The following TTC34 variants were observed in gnomAD, a reference collection of about 807,000 sequenced individuals.
TTC34 encodes tetratricopeptide repeat protein 34.
In TTC34, 44 loss-of-function variants were observed where a neutral mutation model predicts 40.7. That is an observed-to-expected ratio of 1.08 (90% confidence interval 0.85 to 1.39). The LOEUF (loss-of-function observed/expected upper bound fraction) is 1.39, where lower values mean the gene tolerates loss of function less well. Ranked by LOEUF, TTC34 falls within the 40% of genes most tolerant of loss-of-function variation. TTC34 has a pLI of 0.00. For synonymous variants in TTC34, 422 were observed against 398.6 expected (o/e 1.06, Z -0.70); for missense variants, 884 against 838.0 (o/e 1.05, Z -0.68).
Position 2,660,165 on chromosome 1 carries a change from G to C in TTC34, c.2227-14602C>G, listed in dbSNP as rs1209984427. On this transcript the variant is annotated intron_variant, in intron 6 of 8. Coordinates refer to ENST00000401095, the Ensembl canonical transcript of TTC34. ...CACCCACACCCCCAGGTGGGCATCT[G>C]ATGGCCTGGAACAGCACCCACACCC... 2.4e-4 allele frequency among the ~76,000 whole-genome samples: 11 copies of C among 45,730 alleles called. 2 individuals are homozygous for C. The highest frequency in any genetic ancestry group is 1.2e-4 in the Non-Finnish European group (3 of 25,928). 30.0% of individuals were successfully genotyped at this position (45,730 alleles called of 152,430 possible).
intron 6 of TTC34, among the ~76,000 whole-genome samples, chr1:2,685,921 C>A (rs557124891): frequency 2.0e-5 from 3 of 146,354 alleles, no homozygotes; most frequent in Non-Finnish European, 3.0e-5. Flanking sequence ...CACGCACACC[C>A]CCAGGTGAGC....
At chr1:2,752,578 G>C (rs1314248756) in intron 6 of TTC34, among the ~76,000 whole-genome samples, 1 of 80,586 alleles carries the variant, frequency 1.2e-5, no homozygotes, top group Admixed American at 1.4e-4. Flanking sequence ...TGCACCCCCA[G>C]GTGAGAATCT....
chr1:2,655,607 G>C (rs113871669), intron 6 of TTC34, among the ~76,000 whole-genome samples: 2 of 12,946 alleles, frequency 1.5e-4, no homozygotes, highest in Non-Finnish European at 2.1e-4. Flanking sequence ...GGAACAGCAC[G>C]CTGCACCCCC....
At chr1:2,647,089 C>CT (rs1200029487) in intron 6 of TTC34, among the ~76,000 whole-genome samples, 4 of 151,210 alleles carry the variant, frequency 2.6e-5, no homozygotes, top group South Asian at 2.1e-4. Context: ...TTCTCTTTAT[C>CT]TTTTTTTTTC....
chr1:2,783,847 C>T (rs1167443537), intron 5 of TTC34, 72 bp from the exon 6 acceptor site: 4 of 1,335,092 alleles, frequency 3.0e-6, no homozygotes, highest in Middle Eastern at 2.0e-4. Flanking sequence ...CCTGCCCAGC[C>T]CGGGGAGGGC....
At chr1:2,641,941 C>CA in intron 8 of TTC34, 46 bp from the exon 9 acceptor site, 1 of 1,434,098 alleles carries the variant, frequency 7.0e-7, no homozygotes, top group Non-Finnish European at 9.1e-7. Flanking sequence ...GGGTCAGCCC[C>CA]AAAAGCCCGG....
At chr1:2,637,619 G>A (rs1570739325) in exon 9 of TTC34, 1 of 152,218 alleles carries the variant, frequency 6.6e-6, no homozygotes, top group Admixed American at 6.5e-5. Flanking sequence ...CCCACGTGCT[G>A]CTGTGTGAGG....
chr1:2,652,165 C>G (rs1428091441), intron 6 of TTC34, among the ~76,000 whole-genome samples: 5 of 146,070 alleles, frequency 3.4e-5, no homozygotes, highest in Non-Finnish European at 3.1e-5. Context: ...CAACCCACAC[C>G]CCCAGGTGAG....
intron 6 of TTC34, among the ~76,000 whole-genome samples, chr1:2,685,240 C>A (rs1416280495): frequency 4.3e-5 from 1 of 23,140 alleles, no homozygotes; most frequent in Non-Finnish European, 8.3e-5. Context: ...CACCCACACC[C>A]CAGGTGAGCA....
exon 2 of TTC34, chr1:2,800,374 C>G (rs1430112502): frequency 5.0e-6 from 2 of 398,500 alleles, no homozygotes; most frequent in Non-Finnish European, 8.9e-6. Context: ...GCTGCCTGCA[C>G]CCCGGACAGG....
intron 6 of TTC34, among the ~76,000 whole-genome samples, chr1:2,759,603 A>G (rs1641624478): frequency 4.6e-4 from 69 of 151,478 alleles, no homozygotes; most frequent in Admixed American, 6.6e-4. Context: ...CCACACCGCC[A>G]GGCGAGCATC....
chr1:2,786,034 G>A lies in TTC34; in HGVS notation c.1855-11C>T. 1 of 1,456,904 alleles carries A rather than the reference G, an allele frequency of 6.9e-7. No individual in the cohort carries two copies. The highest frequency in any genetic ancestry group is 9.1e-7 in the Non-Finnish European group (1 of 1,096,306). The allele number at this position is 1,456,904 out of a possible 1,614,324, so 90.2% of individuals were successfully genotyped here. ...CAGCTTCTTCACCAACTGCAAGGGT[G>A]CCACAGTCACTGCCCATGCCCTTGG... On this transcript the variant is annotated splice_polypyrimidine_tract_variant and intron_variant, in intron 4 of 8. Transcript: ENST00000401095.
chr1:2,768,240 T>A (rs1641851541), intron 6 of TTC34, among the ~76,000 whole-genome samples: 1 of 151,188 alleles, frequency 6.6e-6, no homozygotes, highest in African/African-American at 2.4e-5. Flanking sequence ...AGGTTGGGAG[T>A]GCCATTCCAG....
intron 6 of TTC34, among the ~76,000 whole-genome samples, chr1:2,648,832 T>G (rs1309354103): frequency 6.9e-6 from 1 of 145,178 alleles, no homozygotes; most frequent in Non-Finnish European, 1.5e-5. Flanking sequence ...TGGAGCAGCA[T>G]TCTCCAGCCC....
chr1:2,659,979 G>A (rs1639481315), intron 6 of TTC34, among the ~76,000 whole-genome samples: 1 of 151,808 alleles, frequency 6.6e-6, no homozygotes, highest in African/African-American at 2.4e-5. Flanking sequence ...GCTTGGAACA[G>A]CACGCGCACC....
chr1:2,684,386 G>A (rs1391818339), intron 6 of TTC34, among the ~76,000 whole-genome samples: 2 of 151,328 alleles, frequency 1.3e-5, no homozygotes, highest in African/African-American at 4.9e-5. Flanking sequence ...GCCTGGAACA[G>A]AATCCACACC....
rs573255623 is a variant in TTC34, at chr1:2,688,331, C to T, written c.2227-42768G>A. On this transcript the variant is annotated intron_variant, in intron 6 of 8. Transcript: ENST00000401095. The stretch of plus-strand genomic sequence containing the variant: ...ACAGCCTGGAGCAGAACCCCACACC[C>T]CCAGGTGAGCATCGGACAGCCTGGA... Among the ~76,000 whole-genome samples the T allele has an allele frequency of 1.3e-4, 20 of 150,312 alleles. No individual in the cohort carries two copies. The East Asian group carries it at 3.3e-3, about 25-fold the overall frequency.
chr1:2,683,264 C>A (rs1640158932), intron 6 of TTC34, among the ~76,000 whole-genome samples: 2 of 151,526 alleles, frequency 1.3e-5, no homozygotes, highest in African/African-American at 2.4e-5. Context: ...TGCAGCAGCA[C>A]CCACACCCAC....
At chr1:2,677,618 T>C (rs1557601778) in intron 6 of TTC34, among the ~76,000 whole-genome samples, 10 of 135,706 alleles carry the variant, frequency 7.4e-5, no homozygotes, top group Non-Finnish European at 9.3e-5. Flanking sequence ...CCCCCCCAGG[T>C]GAGCATCTGA....
Sources: gnomAD v4.1 joint callset for allele counts (sites outside exome capture counted in the v4.1 genomes callset) on GRCh38, gnomAD v4.1.1 for gene constraint, MANE v1.5 for transcripts, NCBI Gene and HGNC (gene_info 2026-07-23, HGNC 2026-07-21) for gene names.